The following CLCN7 variants were observed in gnomAD, a reference collection of about 807,000 sequenced individuals.
The protein encoded by CLCN7 is H(+)/Cl(-) exchange transporter 7.
In CLCN7, 60 loss-of-function variants were observed where a neutral mutation model predicts 102.1. The ratio of observed to expected loss-of-function variants is 0.59; its 90% CI spans 0.48 to 0.73. The LOEUF (loss-of-function observed/expected upper bound fraction) is 0.73, where lower values mean the gene tolerates loss of function less well. Ranked by LOEUF, CLCN7 falls within the 30% of genes least tolerant of loss-of-function variation. The pLI, the probability that CLCN7 is intolerant of heterozygous loss-of-function variation, is 0.00. For synonymous variants in CLCN7, 560 were observed against 490.5 expected (o/e 1.14, Z -1.87); for missense variants, 962 against 1,125.7 (o/e 0.85, Z 2.08).
chr16:1,461,623 G>A lies in CLCN7; in HGVS notation c.265C>T (p.Leu89Phe), dbSNP rs1423608990. The change falls in exon 3 of 25, where the codon CTC becomes TTC. Residue 89 changes from leucine (L) to phenylalanine (F), a missense_variant. This residue lies in a region of CLCN7 where 163 missense variants were observed against 137.7 expected (regional missense o/e 1.18). Coordinates refer to ENST00000382745, the MANE Select transcript of CLCN7 (RefSeq NM_001287.6). Reference protein sequence around the residue: ...FPKEIPHNEKLLSLKYESLDY... With the variant: ...FPKEIPHNEKFLSLKYESLDY... ...CCCACCTCATACTTGAGGGACAGGA[G>A]CTTCTCGTTGTGTGGGATCTCCTTG... is the stretch of plus-strand genomic sequence containing the variant. 6.2e-7 allele frequency: 1 copy of A among 1,614,154 alleles called. No individual in the cohort carries two copies.
At position 1,446,312 on chromosome 16, in the gene CLCN7, G is replaced by A. The variant is rs975454994; in HGVS notation, c.*319C>T. 2.7e-5 allele frequency: 19 copies of A among 700,820 alleles called. No individual in the cohort carries two copies. The highest frequency in any genetic ancestry group is 3.9e-5 in the Non-Finnish European group (15 of 384,438). The allele number at this position is 700,820 out of a possible 1,614,324, so 43.4% of individuals were successfully genotyped here. A position where few individuals can be genotyped will look rare whatever the true frequency, so the allele number is the denominator to read the frequency against. Reference sequence around the variant, plus strand: ...CAGGCACGCAGGTGCCGGCCCTGCCGCTGGCTCCCAAGAGGCCGATAGCCC... The same window carrying A: ...CAGGCACGCAGGTGCCGGCCCTGCCACTGGCTCCCAAGAGGCCGATAGCCC... On this transcript the variant is annotated 3_prime_UTR_variant, in exon 25 of 25. Transcript: ENST00000382745.
intron 1 of CLCN7, 133 bp from the exon 2 acceptor site, chr16:1,465,471 G>T: frequency 1.2e-6 from 1 of 805,728 alleles, no homozygotes. Flanking sequence ...GGCCAGGCCT[G>T]CCTGCTGGGT....
chr16:1,454,340 C>T lies in CLCN7; in HGVS notation c.1153+71G>A, dbSNP rs898435823. On this transcript the variant is annotated intron_variant, in intron 13 of 24. Coordinates refer to ENST00000382745, the MANE Select transcript of CLCN7 (RefSeq NM_001287.6). The stretch of plus-strand genomic sequence containing the variant: ...CCAGGGAGCCACAGCCTCCAGTCCT[C>T]GTCTCTATGGCCACGTCACAGCTGA... 2.4e-5 allele frequency: 36 copies of T among 1,509,462 alleles called. 1 individual carries two copies. The Admixed American group carries it at 4.5e-4, about 19-fold the overall frequency. The allele number at this position is 1,509,462 out of a possible 1,614,324, so 93.5% of individuals were successfully genotyped here.
chr16:1,451,724 G>A lies in CLCN7; in HGVS notation c.1354-8C>T. 1 of 1,610,640 alleles carries A rather than the reference G, an allele frequency of 6.2e-7. No homozygotes were observed. Among genetic ancestry groups the A allele is most frequent in the South Asian group, 1.1e-5 (1 of 90,902 alleles). ...GCCATCTGCACAAAAGAGCTGTGGG[G>A]TCGGGAGAGAGCACACGTTGGGAGG... On this transcript the variant is annotated splice_polypyrimidine_tract_variant and splice_region_variant and intron_variant, in intron 15 of 24. Transcript: ENST00000382745.
chr16:1,458,111 C>A (rs1332681016), intron 7 of CLCN7, among the ~76,000 whole-genome samples: 2 of 152,238 alleles, frequency 1.3e-5, no homozygotes, highest in African/African-American at 4.8e-5. Flanking sequence ...TCCCGCTAGC[C>A]CCGCCTAGCA....
intron 2 of CLCN7, 107 bp downstream of exon 2, chr16:1,465,160 C>T: frequency 9.5e-7 from 1 of 1,051,862 alleles, no homozygotes; most frequent in Non-Finnish European, 1.5e-6. Flanking sequence ...TGAACCCCGG[C>T]CCTGGGGCCC....
chr16:1,454,378 G>A (rs1409521174), intron 13 of CLCN7, 33 bp downstream of exon 13: 2 of 1,608,076 alleles, frequency 1.2e-6, no homozygotes, highest in Non-Finnish European at 1.7e-6. Context: ...CAGGCCCGCA[G>A]GCCGTCCCTG....
intron 11 of CLCN7, 173 bp from the exon 12 acceptor site, chr16:1,455,423 A>T: frequency 2.9e-6 from 2 of 686,210 alleles, no homozygotes; most frequent in Non-Finnish European, 2.6e-6. Context: ...TGTGCGGGCA[A>T]GGAGCGGCCC....
intron 16 of CLCN7, 111 bp downstream of exon 16, chr16:1,451,512 G>C (rs1015920120): frequency 4.8e-6 from 4 of 838,920 alleles, no homozygotes; most frequent in Non-Finnish European, 7.8e-6. Context: ...CCATGCTAGG[G>C]ATGACCCCCC....
intron 1 of CLCN7, among the ~76,000 whole-genome samples, chr16:1,468,122 C>T (rs2039030081): frequency 4.6e-5 from 7 of 152,158 alleles, no homozygotes; most frequent in Admixed American, 4.6e-4. Flanking sequence ...CGAAAACAGC[C>T]ACAGTCACAT....
In CLCN7 at chr16:1,448,665, G is replaced by A. The variant is rs780354249; in HGVS notation, c.1883+16C>T. ...CTGGACACCCTCCCCACCCACAGGT[G>A]TCCTGGGCGCTGTACCTGGCAGTGA... On this transcript the variant is annotated intron_variant, in intron 20 of 24. Transcript: ENST00000382745. The A allele has an allele frequency of 1.1e-5, 18 of 1,612,226 alleles. No individual in the cohort carries two copies. The Admixed American group carries it at 2.7e-4, about 24-fold the overall frequency.
In CLCN7 at chr16:1,474,825, CG is replaced by C; in HGVS notation, c.141+8del. On this transcript the variant is annotated splice_region_variant and intron_variant, in intron 1 of 24. Transcript: ENST00000382745. ...TCAGTTTCCCCGCCTGCGCCCTGCC[CG>C]GCCTCACCTGGCGCGCAGCCCCAGG... 7.5e-7 allele frequency: 1 copy of C among 1,336,626 alleles called. No homozygotes were observed. Among genetic ancestry groups the C allele is most frequent in the Non-Finnish European group, 9.6e-7 (1 of 1,043,556 alleles). The allele number at this position is 1,336,626 out of a possible 1,614,324, so 82.8% of individuals were successfully genotyped here. A position where few individuals can be genotyped will look rare whatever the true frequency, so the allele number is the denominator to read the frequency against.
chr16:1,461,724 G>C (rs1207311401), intron 2 of CLCN7, 50 bp from the exon 3 acceptor site: 1 of 1,479,124 alleles, frequency 6.8e-7, no homozygotes, highest in Non-Finnish European at 9.4e-7. Flanking sequence ...AGGCCACAAG[G>C]AGAGAGGCCC....
chr16:1,451,741 G>T (rs767074965), intron 15 of CLCN7, 25 bp from the exon 16 acceptor site: 2 of 1,590,424 alleles, frequency 1.3e-6, no homozygotes, highest in Non-Finnish European at 1.7e-6. Flanking sequence ...GAGAGCACAC[G>T]TTGGGAGGGG....
chr16:1,466,761 G>T, intron 1 of CLCN7: 1 of 151,876 alleles, frequency 6.6e-6, no homozygotes, highest in Non-Finnish European at 1.5e-5. Flanking sequence ...GAGACCAGCT[G>T]GGCCAACATG....
chr16:1,468,855 T>C (rs2039040505), intron 1 of CLCN7, among the ~76,000 whole-genome samples: 1 of 152,110 alleles, frequency 6.6e-6, no homozygotes, highest in Non-Finnish European at 1.5e-5. Flanking sequence ...ACAAGCCCCC[T>C]GTGCTACCTT....
At chr16:1,468,523 T>C (rs1428574553) in intron 1 of CLCN7, among the ~76,000 whole-genome samples, 1 of 152,158 alleles carries the variant, frequency 6.6e-6, no homozygotes, top group African/African-American at 2.4e-5. Flanking sequence ...CAAGCTCTTA[T>C]AAATTAAACA....
At chr16:1,449,140 G>A in intron 18 of CLCN7, 47 bp from the exon 19 acceptor site, 1 of 1,610,164 alleles carries the variant, frequency 6.2e-7, no homozygotes. Flanking sequence ...TCCTGGCTCA[G>A]GGTCACGTGG....
chr16:1,448,754 T>A lies in CLCN7; in HGVS notation c.1810A>T (p.Met604Leu), dbSNP rs2038694845. Residue 604 changes from methionine to leucine, a missense_variant, in exon 20 of 25, where the codon ATG becomes TTG. Coordinates refer to ENST00000382745, the MANE Select transcript of CLCN7 (RefSeq NM_001287.6). ...GDVFIEGLYD[M>L]HIQLQSVPFL... ...GGCACACTCTGCAGCTGAATGTGCA[T>A]GTCGTACAGGCCCTGCGGGCGGGGC... The A allele has an allele frequency of 6.2e-7, 1 of 1,612,260 alleles. No individual in the cohort carries two copies. Among genetic ancestry groups the A allele is most frequent in the Non-Finnish European group, 8.5e-7 (1 of 1,179,944 alleles).
Sources: allele counts gnomAD v4.1 joint callset (sites outside exome capture counted in the v4.1 genomes callset), GRCh38; gene constraint gnomAD v4.1.1; regional missense constraint gnomAD v4.1.1; transcripts MANE v1.5; gene names NCBI Gene and HGNC (gene_info 2026-07-23, HGNC 2026-07-21).